Variants in CNOT4 observed in about 807,000 individuals in gnomAD.
CNOT4 encodes the protein CCR4-NOT transcription complex subunit 4, also known as CCR4-associated factor 4.
In CNOT4, 8 loss-of-function variants were observed where a neutral mutation model predicts 73.8. The ratio of observed to expected loss-of-function variants is 0.11; its 90% confidence interval spans 0.06 to 0.20. The LOEUF (loss-of-function observed/expected upper bound fraction) is 0.20, where lower values mean the gene tolerates loss of function less well. CNOT4 is among the 10% of genes least tolerant of loss of function. The pLI is 1.00. For missense variants in CNOT4, 564 were observed against 883.4 expected (o/e 0.64, Z 4.58); for synonymous variants, 293 against 321.1 (o/e 0.91, Z 0.94).
intron 1 of CNOT4, among the ~76,000 whole-genome samples, chr7:135,473,981 G>GT (rs1335562113): frequency 1.7e-4 from 25 of 144,020 alleles, no homozygotes; most frequent in Admixed American, 6.2e-4. Flanking sequence ...GTCTTTTTGT[G>GT]GTTTTTTTTT....
chr7:135,441,368 T>G (rs776568324), intron 1 of CNOT4, among the ~76,000 whole-genome samples: 4 of 151,516 alleles, frequency 2.6e-5, no homozygotes, highest in Non-Finnish European at 5.9e-5. Flanking sequence ...AACGAAATAG[T>G]GTCTTCTTGT....
At chr7:135,395,321 C>T (rs904339604) in intron 9 of CNOT4, among the ~76,000 whole-genome samples, 3 of 151,972 alleles carry the variant, frequency 2.0e-5, no homozygotes, top group African/African-American at 7.2e-5. Flanking sequence ...GCACTCCAGC[C>T]TGGGCGAGAG....
chr7:135,404,006 A>G (rs2129483788), intron 7 of CNOT4, among the ~76,000 whole-genome samples: 1 of 152,038 alleles, frequency 6.6e-6, no homozygotes, highest in Non-Finnish European at 1.5e-5. Flanking sequence ...TTAACCCCAC[A>G]CTCATCCCAC....
rs1241456418 is a variant in CNOT4 at position 135,428,399 on chromosome 7, A to G, written c.175-6046T>C. On this transcript the variant is annotated intron_variant, in intron 2 of 11. Coordinates refer to ENST00000541284, the MANE Select transcript of CNOT4 (RefSeq NM_001190850.2). ...AGCAGAAATATAGCCCACAGACTTC[A>G]GCCACTGGAATTACTGGACAAAGAT... 4.6e-5 allele frequency among the ~76,000 whole-genome samples: 7 copies of G among 152,364 alleles called. No homozygotes were observed. In the South Asian group the frequency reaches 1.2e-3, roughly 27 times the overall value.
Position 135,363,196 on chromosome 7 carries a change from GA to G in CNOT4, c.1841-11del. 6.2e-7 allele frequency: 1 copy of G among 1,609,878 alleles called. No homozygotes were observed. Among genetic ancestry groups the G allele is most frequent in the Non-Finnish European group, 8.5e-7 (1 of 1,178,742 alleles). ...GAAGACGCTGGAATACCTAAGGAGA[GA>G]AAAGAAAAAAGAGGGAAAATGGTGA... On this transcript the variant is annotated splice_polypyrimidine_tract_variant and intron_variant, in intron 11 of 11. Transcript: ENST00000541284. This position sits in a 1 kb window ranked among gnomAD's most constrained non-coding sequence, Gnocchi z 4.3.
chr7:135,390,107 G>T (rs984746077), intron 10 of CNOT4, among the ~76,000 whole-genome samples: 6 of 152,120 alleles, frequency 3.9e-5, no homozygotes, highest in African/African-American at 1.4e-4. Context: ...GGGCCAATTT[G>T]TCTCATGAGT....
chr7:135,432,296 GA>G (rs953242300), intron 2 of CNOT4, among the ~76,000 whole-genome samples: 6 of 150,810 alleles, frequency 4.0e-5, no homozygotes, highest in African/African-American at 1.2e-4. Flanking sequence ...ATCAGCATAG[GA>G]AAAAAAAATA....
intron 3 of CNOT4, among the ~76,000 whole-genome samples, chr7:135,417,282 T>C (rs1213949517): frequency 6.6e-6 from 1 of 152,204 alleles, no homozygotes; most frequent in Non-Finnish European, 1.5e-5. Context: ...TCTCCAGTGA[T>C]ATTAATGTTA....
At chr7:135,435,569 G>T (rs368914852) in intron 2 of CNOT4, among the ~76,000 whole-genome samples, 1 of 151,894 alleles carries the variant, frequency 6.6e-6, no homozygotes, top group African/African-American at 2.4e-5. Context: ...TTTCCTTTCC[G>T]AAAGGTACCA....
intron 1 of CNOT4, among the ~76,000 whole-genome samples, chr7:135,446,280 T>C (rs957323642): frequency 2.6e-5 from 4 of 152,166 alleles, no homozygotes; most frequent in African/African-American, 7.2e-5. Context: ...TGGGGAGTTA[T>C]TACTTAATTT....
chr7:135,451,160 C>T (rs113912152), intron 1 of CNOT4, among the ~76,000 whole-genome samples: 4 of 152,242 alleles, frequency 2.6e-5, no homozygotes, highest in African/African-American at 9.6e-5. Context: ...CTCCCAATGT[C>T]TATCAATAGG....
chr7:135,479,193 A>AC (rs1426319256), intron 1 of CNOT4, among the ~76,000 whole-genome samples: 1 of 147,942 alleles, frequency 6.8e-6, no homozygotes, highest in Non-Finnish European at 1.5e-5. Flanking sequence ...GCCTATTAGA[A>AC]CCAAATTTTT....
chr7:135,447,641 G>T (rs895624226), intron 1 of CNOT4, among the ~76,000 whole-genome samples: 1 of 152,170 alleles, frequency 6.6e-6, no homozygotes, highest in Admixed American at 6.5e-5. Context: ...AGATAGCTGG[G>T]AATCTCTTCC....
chr7:135,388,616 C>T (rs1796243352), intron 10 of CNOT4: 2 of 1,231,600 alleles, frequency 1.6e-6, no homozygotes, highest in Non-Finnish European at 2.1e-6. Flanking sequence ...ATGTTAAAGG[C>T]CTAATGAAGA....
chr7:135,385,303 T>G (rs1294206042), intron 10 of CNOT4, among the ~76,000 whole-genome samples: 1 of 152,238 alleles, frequency 6.6e-6, no homozygotes, highest in Non-Finnish European at 1.5e-5. Context: ...ATACCTCAGC[T>G]GGATCTCCTT....
chr7:135,375,706 C>T (rs191290820), intron 10 of CNOT4, among the ~76,000 whole-genome samples: 34 of 152,178 alleles, frequency 2.2e-4, no homozygotes, highest in Admixed American at 7.2e-4. Flanking sequence ...GGGAGGATCA[C>T]GGGGTCAGGG....
intron 1 of CNOT4, among the ~76,000 whole-genome samples, chr7:135,479,499 G>A (rs1018775763): frequency 6.6e-6 from 1 of 151,546 alleles, no homozygotes; most frequent in Non-Finnish European, 1.5e-5. Flanking sequence ...ATGAGCCACC[G>A]CGCCCATCCA....
Position 135,438,434 on chromosome 7 carries a change from A to C in CNOT4, c.-92-11T>G. On this transcript the variant is annotated splice_polypyrimidine_tract_variant and intron_variant, in intron 1 of 11. Coordinates refer to ENST00000541284, the MANE Select transcript of CNOT4 (RefSeq NM_001190850.2). ...TAGGACTTTGACGACCTGCATGAGA[A>C]GAAACAAAATACATTGTTTACTACT... is the stretch of plus-strand genomic sequence containing the variant. The C allele has an allele frequency of 5.8e-6, 5 of 869,020 alleles. No individual in the cohort carries two copies. The highest frequency in any genetic ancestry group is 8.3e-6 in the Non-Finnish European group (5 of 600,442). The allele number at this position is 869,020 out of a possible 1,614,324, so 53.8% of individuals were successfully genotyped here.
chr7:135,474,119 A>C (rs1801829055), intron 1 of CNOT4, among the ~76,000 whole-genome samples: 1 of 150,254 alleles, frequency 6.7e-6, no homozygotes, highest in Non-Finnish European at 1.5e-5. Context: ...AGCTGAGATT[A>C]CAGGTACCTG....
Sources: gnomAD v4.1 joint callset for allele counts (sites outside exome capture counted in the v4.1 genomes callset) on GRCh38, gnomAD v4.1.1 for gene constraint, Gnocchi (gnomAD v3.1) non-coding constraint, MANE v1.5 for transcripts, NCBI Gene and HGNC (gene_info 2026-07-23, HGNC 2026-07-21) for gene names.